Variants in CIMIP2B observed in about 807,000 individuals in gnomAD.
CIMIP2B encodes family with sequence similarity 166 member B.
the CIMIP2B span, chr9:35,561,983 GA>G: frequency 1.7e-6 from 2 of 1,196,412 alleles, no homozygotes; most frequent in Non-Finnish European, 2.2e-6. Context: ...GATGAAAAGG[GA>G]AGGGAACTTG....
chr9:35,563,255 G>A, the CIMIP2B span: 9 of 1,614,012 alleles, frequency 5.6e-6, 1 homozygote, highest in South Asian at 8.8e-5. Flanking sequence ...AGATCTTGGA[G>A]GCCGAATGGG....
chr9:35,562,704 TGA>T, the CIMIP2B span: 118 of 1,613,520 alleles, frequency 7.3e-5, no homozygotes, highest in Non-Finnish European at 9.9e-5. Flanking sequence ...GAGAAGCCTG[TGA>T]GAGAAGCCCC....
chr9:35,562,166 G>A, the CIMIP2B span: 3 of 1,240,732 alleles, frequency 2.4e-6, no homozygotes, highest in African/African-American at 4.5e-5. Flanking sequence ...CAGCCAGTTG[G>A]CTAGACCTCC....
At chr9:35,562,428 A>G in the CIMIP2B span, 9 of 1,556,418 alleles carry the variant, frequency 5.8e-6, no homozygotes, top group African/African-American at 1.4e-5. Context: ...TTCTGAGGGT[A>G]TGTTCTGGGA....
chr9:35,562,973 G>C, the CIMIP2B span: 1 of 1,613,854 alleles, frequency 6.2e-7, no homozygotes, highest in Non-Finnish European at 8.5e-7. Flanking sequence ...TCCTTTGGTA[G>C]CTCTTCACTC....
chr9:35,563,699 A>G, the CIMIP2B span: 4 of 1,453,712 alleles, frequency 2.8e-6, no homozygotes, highest in Non-Finnish European at 3.9e-6. Context: ...TGCTCTAAGC[A>G]GCTTAATTCC....
chr9:35,563,612 T>C, the CIMIP2B span, among the ~76,000 whole-genome samples: 1 of 152,218 alleles, frequency 6.6e-6, no homozygotes, highest in African/African-American at 2.4e-5. Context: ...GGTGTCTCAC[T>C]AGTCCCTTGC....
the CIMIP2B span, chr9:35,562,405 T>C: frequency 6.6e-7 from 1 of 1,510,786 alleles, no homozygotes; most frequent in South Asian, 1.4e-5. Context: ...CATAGTTAGG[T>C]AAAAGACCCA....
At chr9:35,562,403 G>GTTA in the CIMIP2B span, 11 of 1,509,224 alleles carry the variant, frequency 7.3e-6, no homozygotes, top group East Asian at 2.6e-4. Flanking sequence ...CCCATAGTTA[G>GTTA]GTAAAAGACC....
chr9:35,563,037 G>A, the CIMIP2B span: 1 of 1,613,984 alleles, frequency 6.2e-7, no homozygotes, highest in Non-Finnish European at 8.5e-7. Context: ...CCCAGACCTG[G>A]CTGCAGTTCT....
the CIMIP2B span, chr9:35,562,978 T>G: frequency 6.2e-6 from 10 of 1,614,006 alleles, no homozygotes; most frequent in African/African-American, 1.1e-4. Flanking sequence ...TGGTAGCTCT[T>G]CACTCCCTTG....
At chr9:35,562,331 T>A in the CIMIP2B span, 204 of 1,302,064 alleles carry the variant, frequency 1.6e-4, no homozygotes, top group East Asian at 4.0e-4. Context: ...CCCATACCCA[T>A]ACAAACAAAC....
chr9:35,562,901 C>T, the CIMIP2B span: 91 of 1,613,914 alleles, frequency 5.6e-5, no homozygotes, highest in Non-Finnish European at 7.6e-5. Context: ...AGTGTCGGCT[C>T]CTCCAGCTGC....
chr9:35,563,872 C>T, the CIMIP2B span: 1 of 1,568,796 alleles, frequency 6.4e-7, no homozygotes, highest in Non-Finnish European at 8.8e-7. Context: ...AGCCAAGGCT[C>T]TGGTCTGTGT....
At chr9:35,563,433 C>T in the CIMIP2B span, 5 of 1,469,168 alleles carry the variant, frequency 3.4e-6, no homozygotes, top group Non-Finnish European at 3.7e-6. Context: ...CCCTGCCCCG[C>T]CATCCCCAGA....
At chr9:35,562,439 A>T in the CIMIP2B span, 2 of 1,574,686 alleles carry the variant, frequency 1.3e-6, no homozygotes, top group Non-Finnish European at 1.7e-6. Flanking sequence ...TGTTCTGGGA[A>T]GTGGGGGGAG....
chr9:35,563,671 C>T, the CIMIP2B span: 10 of 1,211,224 alleles, frequency 8.3e-6, no homozygotes, highest in African/African-American at 4.5e-5. Flanking sequence ...CCCAAACCAA[C>T]CTGTCCGCTT....
At chr9:35,561,944 T>G in the CIMIP2B span, 2 of 271,296 alleles carry the variant, frequency 7.4e-6, no homozygotes, top group East Asian at 1.5e-4. Context: ...CACCCACCTC[T>G]CTCCCTTCCA....
At chr9:35,563,071 G>T in the CIMIP2B span, 1 of 1,613,954 alleles carries the variant, frequency 6.2e-7, no homozygotes. Flanking sequence ...CTGTGCCCGG[G>T]GTACAAAACC....
Sources: gnomAD v4.1 joint callset for allele counts (sites outside exome capture counted in the v4.1 genomes callset) on GRCh38, gnomAD v4.1.1 for gene constraint, MANE v1.5 for transcripts, NCBI Gene and HGNC (gene_info 2026-07-23, HGNC 2026-07-21) for gene names.